The following TBC1D23 variants were observed in gnomAD, a reference collection of about 807,000 sequenced individuals.
The protein encoded by TBC1D23 is TBC1 domain family member 23, also known as HCV non-structural protein 4A-transactivated protein 1.
Under a neutral mutation model 91.4 loss-of-function variants are expected in TBC1D23, and 55 were observed. That is an observed-to-expected ratio of 0.60 (90% CI 0.48 to 0.75). The LOEUF (loss-of-function observed/expected upper bound fraction) is 0.75, where lower values mean the gene tolerates loss of function less well. Among genes scored for constraint, TBC1D23 ranks in the 30% least tolerant of loss-of-function variants. TBC1D23 has a pLI of 0.00. For missense variants in TBC1D23, 725 were observed against 836.1 expected (o/e 0.87, Z 1.64); for synonymous variants, 289 against 281.0 (o/e 1.03, Z -0.28).
chr3:100,315,591 C>A (rs975305465), intron 15 of TBC1D23, among the ~76,000 whole-genome samples: 3 of 152,160 alleles, frequency 2.0e-5, no homozygotes, highest in Non-Finnish European at 4.4e-5. Context: ...ATATGAGAAG[C>A]CTTAACCAAT....
At position 100,295,220 on chromosome 3, in the gene TBC1D23, C is replaced by T. The variant is rs931224953; in HGVS notation, c.725+9C>T. On this transcript the variant is annotated intron_variant, in intron 6 of 18. Transcript: ENST00000394144. ...ATCCTTGTTAATGCAAAGTAAGTAT[C>T]TGGTTGGTTAGATTTTTTTTCCTCT... 1 of 1,595,682 alleles carries T rather than the reference C, an allele frequency of 6.3e-7. No individual in the cohort carries two copies. The highest frequency in any genetic ancestry group is 8.5e-7 in the Non-Finnish European group (1 of 1,174,168).
intron 12 of TBC1D23, 133 bp from the exon 13 acceptor site, chr3:100,306,304 A>G (rs981892148): frequency 5.1e-6 from 3 of 593,480 alleles, no homozygotes; most frequent in Admixed American, 3.0e-5. Flanking sequence ...ACGTGCAGAA[A>G]GAAATACCTG....
At chr3:100,266,543 A>G (rs1405668577) in intron 1 of TBC1D23, among the ~76,000 whole-genome samples, 1 of 152,238 alleles carries the variant, frequency 6.6e-6, no homozygotes, top group Non-Finnish European at 1.5e-5. Context: ...TGTTGGGACT[A>G]CAGGCATGAG....
intron 11 of TBC1D23, 112 bp from the exon 12 acceptor site, chr3:100,304,734 C>A: frequency 1.5e-6 from 1 of 650,248 alleles, no homozygotes; most frequent in East Asian, 2.8e-5. Context: ...AATGAGAAAG[C>A]CCGGTAATTT....
intron 13 of TBC1D23, among the ~76,000 whole-genome samples, chr3:100,308,028 A>C (rs1420173020): frequency 2.0e-5 from 3 of 152,252 alleles, no homozygotes; most frequent in Non-Finnish European, 4.4e-5. Flanking sequence ...TTTTATATTC[A>C]GATTTGAAAA....
chr3:100,289,477 G>A (rs1268537083), intron 4 of TBC1D23, among the ~76,000 whole-genome samples: 2 of 152,170 alleles, frequency 1.3e-5, no homozygotes, highest in Admixed American at 6.5e-5. Flanking sequence ...ATCAGGGACT[G>A]AGCATGGAAA....
intron 18 of TBC1D23, among the ~76,000 whole-genome samples, chr3:100,321,231 T>C (rs1352558976): frequency 6.6e-6 from 1 of 152,238 alleles, no homozygotes; most frequent in Non-Finnish European, 1.5e-5. Context: ...TCTGTACCAG[T>C]GCTGCACTAA....
intron 9 of TBC1D23, among the ~76,000 whole-genome samples, chr3:100,298,477 A>G (rs778508214): frequency 5.9e-5 from 9 of 152,218 alleles, no homozygotes; most frequent in Non-Finnish European, 1.2e-4. Context: ...TGAAAATCTA[A>G]TAAGTCAATT....
intron 1 of TBC1D23, among the ~76,000 whole-genome samples, chr3:100,276,421 T>G (rs1415831300): frequency 3.9e-5 from 6 of 152,086 alleles, no homozygotes; most frequent in Admixed American, 2.0e-4. Context: ...ATTCAGAAAA[T>G]TACAAAATTT....
intron 2 of TBC1D23, among the ~76,000 whole-genome samples, chr3:100,280,161 C>T (rs1224361541): frequency 6.6e-6 from 1 of 151,506 alleles, no homozygotes; most frequent in East Asian, 1.9e-4. Context: ...ACCCAGGAGG[C>T]GAGGCTACAG....
rs201106075 is a variant in TBC1D23 at position 100,299,203 on chromosome 3, G to A, written c.1000-36G>A. Reference sequence around the variant, plus strand: ...ATGTTGTGCAATGTGAACCTCATGGGAAATTCCTGTATGTCAAATGTTGTT... The same window carrying A: ...ATGTTGTGCAATGTGAACCTCATGGAAAATTCCTGTATGTCAAATGTTGTT... On this transcript the variant is annotated intron_variant, in intron 9 of 18. Coordinates refer to ENST00000394144, the MANE Select transcript of TBC1D23 (RefSeq NM_001199198.3). 5.0e-5 allele frequency: 71 copies of A among 1,417,954 alleles called. No individual in the cohort carries two copies. In the African/African-American group the frequency reaches 9.4e-4, roughly 19 times the overall value. 87.8% of individuals were successfully genotyped at this position (1,417,954 alleles called of 1,614,324 possible). A position where few individuals can be genotyped will look rare whatever the true frequency, so the allele number is the denominator to read the frequency against.
At chr3:100,262,649 C>G (rs1351744645) in intron 1 of TBC1D23, among the ~76,000 whole-genome samples, 1 of 123,682 alleles carries the variant, frequency 8.1e-6, no homozygotes, top group Admixed American at 1.1e-4. Context: ...CGCTTGAACC[C>G]GGGAGGCAGA....
intron 7 of TBC1D23, among the ~76,000 whole-genome samples, chr3:100,295,830 A>G (rs540557614): frequency 6.6e-6 from 1 of 152,282 alleles, no homozygotes. Context: ...TTATTTTTTC[A>G]CACAAGACAA....
intron 1 of TBC1D23, among the ~76,000 whole-genome samples, chr3:100,269,448 C>A (rs771963555): frequency 6.6e-6 from 1 of 152,164 alleles, no homozygotes; most frequent in Non-Finnish European, 1.5e-5. Context: ...TAGATAACTT[C>A]ACAATTATCA....
chr3:100,300,704 T>C (rs1046038503), intron 10 of TBC1D23, among the ~76,000 whole-genome samples: 1 of 151,954 alleles, frequency 6.6e-6, no homozygotes, highest in South Asian at 2.1e-4. Context: ...GGGTTCATGT[T>C]GGCCAGGCTG....
intron 4 of TBC1D23, among the ~76,000 whole-genome samples, chr3:100,287,103 G>A (rs903459420): frequency 6.6e-6 from 1 of 151,970 alleles, no homozygotes. Flanking sequence ...GCAAGCTACC[G>A]CGCCCAGCCT....
At chr3:100,282,875 C>G (rs1367006505) in intron 3 of TBC1D23, among the ~76,000 whole-genome samples, 1 of 152,266 alleles carries the variant, frequency 6.6e-6, no homozygotes, top group East Asian at 1.9e-4. Flanking sequence ...TTACCTATCC[C>G]TTTAATTCAG....
chr3:100,285,072 T>A (rs887940586), intron 4 of TBC1D23, among the ~76,000 whole-genome samples: 1 of 152,248 alleles, frequency 6.6e-6, no homozygotes, highest in East Asian at 1.9e-4. Context: ...TCTACCCTGG[T>A]TGCTTGTTAG....
At chr3:100,309,831 G>T (rs967075261) in intron 13 of TBC1D23, among the ~76,000 whole-genome samples, 3 of 151,636 alleles carry the variant, frequency 2.0e-5, no homozygotes, top group African/African-American at 7.3e-5. Context: ...GTCTGGTCTT[G>T]AACTCCTGAC....
Sources: allele counts gnomAD v4.1 joint callset (sites outside exome capture counted in the v4.1 genomes callset), GRCh38; gene constraint gnomAD v4.1.1; transcripts MANE v1.5; gene names NCBI Gene and HGNC (gene_info 2026-07-23, HGNC 2026-07-21).